The following FIGN variants were observed in gnomAD, a reference collection of about 807,000 sequenced individuals.
The protein encoded by FIGN is fidgetin.
A neutral mutation model predicts 51.3 loss-of-function variants in FIGN; 11 were observed. The ratio of observed to expected loss-of-function variants is 0.21; its 90% CI spans 0.13 to 0.35. The LOEUF (loss-of-function observed/expected upper bound fraction) is 0.35. Ranked by LOEUF, FIGN falls within the 10% of genes least tolerant of loss-of-function variation. The pLI, the probability that FIGN is intolerant of heterozygous loss-of-function variation, is 1.00. For missense variants in FIGN, 857 were observed against 943.6 expected (o/e 0.91, Z 1.20); for synonymous variants, 407 against 363.2 (o/e 1.12, Z -1.37).
chr2:163,681,613 C>T (rs553268666), intron 2 of FIGN, among the ~76,000 whole-genome samples: 30 of 152,206 alleles, frequency 2.0e-4, no homozygotes, highest in Non-Finnish European at 3.4e-4. Context: ...GATGACTGCA[C>T]GCCTGGCACG....
chr2:163,733,542 G>T (rs570649568), intron 2 of FIGN, among the ~76,000 whole-genome samples: 2 of 152,136 alleles, frequency 1.3e-5, no homozygotes, highest in Admixed American at 6.5e-5. Context: ...AATCCCATTC[G>T]CTCCAACAGC....
chr2:163,717,060 C>G (rs1166783804), intron 2 of FIGN, among the ~76,000 whole-genome samples: 3 of 152,054 alleles, frequency 2.0e-5, no homozygotes, highest in Admixed American at 2.0e-4. Flanking sequence ...TGTAGCTACC[C>G]TTGGAGTGAG....
chr2:163,615,895 C>A (rs1049349326), intron 2 of FIGN, among the ~76,000 whole-genome samples: 1 of 152,084 alleles, frequency 6.6e-6, no homozygotes, highest in African/African-American at 2.4e-5. Flanking sequence ...TCAGAAAAAT[C>A]TTAATACAGC....
chr2:163,621,394 C>G (rs927440564), intron 2 of FIGN, among the ~76,000 whole-genome samples: 1 of 152,140 alleles, frequency 6.6e-6, no homozygotes, highest in African/African-American at 2.4e-5. Flanking sequence ...AATTCAGTGT[C>G]CTTCACTCCT....
At chr2:163,686,373 T>G (rs1427008895) in intron 2 of FIGN, among the ~76,000 whole-genome samples, 2 of 152,278 alleles carry the variant, frequency 1.3e-5, no homozygotes, top group African/African-American at 4.8e-5. Context: ...ACACTTAATG[T>G]GGCGAAAAGC....
chr2:163,675,130 T>C (rs1023812561), intron 2 of FIGN, among the ~76,000 whole-genome samples: 1 of 152,232 alleles, frequency 6.6e-6, no homozygotes, highest in Non-Finnish European at 1.5e-5. Context: ...TTTCTTCTTA[T>C]TGATCCAAAA....
chr2:163,660,798 G>C (rs13028086), intron 2 of FIGN, among the ~76,000 whole-genome samples: 1,586 of 12,408 alleles, frequency 0.13, 226 homozygotes, highest in African/African-American at 0.13. Flanking sequence ...TATGTATATA[G>C]ATATACATAT....
chr2:163,703,438 G>A lies in FIGN; in HGVS notation c.25+31465C>T, dbSNP rs534676167. On this transcript the variant is annotated intron_variant, in intron 2 of 2. Coordinates refer to ENST00000333129, the MANE Select transcript of FIGN (RefSeq NM_018086.4). ...TGTAGGGGAGAGGAATTAAAACAGTGATTTCTTTCAATGATACATTTTTCA... is the reference window on the plus strand; with the variant it reads ...TGTAGGGGAGAGGAATTAAAACAGTAATTTCTTTCAATGATACATTTTTCA... 3.9e-5 allele frequency among the ~76,000 whole-genome samples: 6 copies of A among 152,226 alleles called. 1 individual carries two copies. Among genetic ancestry groups the A allele is most frequent in the Admixed American group, 3.3e-4 (5 of 15,254 alleles).
intron 2 of FIGN, among the ~76,000 whole-genome samples, chr2:163,718,843 G>GGA (rs1684711360): frequency 6.6e-6 from 1 of 150,970 alleles, no homozygotes; most frequent in African/African-American, 2.5e-5. Flanking sequence ...GAGAGAGTGA[G>GGA]AGAGAGAGAG....
chr2:163,680,660 C>G (rs1452686497), intron 2 of FIGN, among the ~76,000 whole-genome samples: 2 of 152,150 alleles, frequency 1.3e-5, no homozygotes, highest in African/African-American at 4.8e-5. Flanking sequence ...CAGCTACCTA[C>G]ATATTCTTCA....
chr2:163,649,925 C>CA (rs1683444792), intron 2 of FIGN, among the ~76,000 whole-genome samples: 1 of 152,142 alleles, frequency 6.6e-6, no homozygotes, highest in Non-Finnish European at 1.5e-5. Context: ...ATTACACTGA[C>CA]AGAGAGTCTG....
In FIGN at chr2:163,610,011, G is replaced by T. The variant is rs2231906; in HGVS notation, c.1821C>A (p.Thr607=). The stretch of plus-strand genomic sequence containing the variant: ...CAGTGTCCAGTTGCATCAGAAATTC[G>T]GTTCTCATCCGACTGACTGGACTAT... ...EEHSPVSRMR[T]EFLMQLDTVL... is the part of the protein sequence containing the mutation. Residue 607 remains threonine (T), a synonymous_variant, in exon 3 of 3, where the codon ACC becomes ACA. Transcript: ENST00000333129. 4.3e-6 allele frequency: 7 copies of T among 1,614,056 alleles called. No individual in the cohort carries two copies. The highest frequency in any genetic ancestry group is 5.9e-6 in the Non-Finnish European group (7 of 1,180,022).
intron 2 of FIGN, among the ~76,000 whole-genome samples, chr2:163,691,222 C>CA (rs1376366960): frequency 2.6e-5 from 4 of 152,136 alleles, no homozygotes; most frequent in Non-Finnish European, 5.9e-5. Flanking sequence ...ATGTACAAAA[C>CA]ACAGACTGCA....
At chr2:163,652,481 C>CA (rs35967241) in intron 2 of FIGN, among the ~76,000 whole-genome samples, 95,111 of 151,218 alleles carry the variant, frequency 0.63, 30,352 homozygotes, top group East Asian at 0.77. Flanking sequence ...TATATCCTAC[C>CA]AAAAAAAACT....
chr2:163,611,048 A>T lies in FIGN; in HGVS notation c.784T>A (p.Tyr262Asn), dbSNP rs1482463934. 6.2e-7 allele frequency: 1 copy of T among 1,613,914 alleles called. No homozygotes were observed. The highest frequency in any genetic ancestry group is 1.3e-5 in the African/African-American group (1 of 75,022). ...YPPQTAVGSG[Y>N]SPGGAPPPPS... ...GGAGGCGGTGCCCCCCCAGGGCTGT[A>T]CCCAGACCCCACAGCAGTCTGAGGA... Residue 262 changes from tyrosine (Y) to asparagine (N), a missense_variant, in exon 3 of 3, where the codon TAC becomes AAC. This residue lies in a region of FIGN where 799 missense variants were observed against 849.5 expected (regional missense o/e 0.94). Coordinates refer to ENST00000333129, the MANE Select transcript of FIGN (RefSeq NM_018086.4).
intron 2 of FIGN, among the ~76,000 whole-genome samples, chr2:163,683,438 C>T (rs955096904): frequency 2.0e-5 from 3 of 152,100 alleles, no homozygotes; most frequent in African/African-American, 7.2e-5. Flanking sequence ...AGATATTAAG[C>T]TATAAAGGCC....
intron 2 of FIGN, 112 bp from the exon 3 acceptor site, chr2:163,611,918 A>AAC: frequency 2.1e-6 from 1 of 482,558 alleles, no homozygotes; most frequent in Non-Finnish European, 3.2e-6. Flanking sequence ...TGATATGCAT[A>AAC]CTTTAAAAGA....
rs17808724 is a variant in FIGN at position 163,722,032 on chromosome 2, T to C, written c.25+12871A>G. 9.2e-3 allele frequency among the ~76,000 whole-genome samples: 1,404 copies of C among 152,294 alleles called. 13 individuals carry two copies. The highest frequency in any genetic ancestry group is 0.013 in the Non-Finnish European group (858 of 68,008). The stretch of plus-strand genomic sequence containing the variant: ...TACTGTAATGCTATTTATTGTAACA[T>C]TCACGGCAGATTTGAGAAAGTAGCT... On this transcript the variant is annotated intron_variant, in intron 2 of 2. Coordinates refer to ENST00000333129, the MANE Select transcript of FIGN (RefSeq NM_018086.4).
intron 2 of FIGN, among the ~76,000 whole-genome samples, chr2:163,684,084 G>A (rs1052379010): frequency 1.3e-5 from 2 of 152,020 alleles, no homozygotes; most frequent in Non-Finnish European, 2.9e-5. Flanking sequence ...AAGTTTATGT[G>A]TAAATGCTAT....
Sources: allele counts gnomAD v4.1 joint callset (sites outside exome capture counted in the v4.1 genomes callset), GRCh38; gene constraint gnomAD v4.1.1; regional missense constraint gnomAD v4.1.1; transcripts MANE v1.5; gene names NCBI Gene and HGNC (gene_info 2026-07-23, HGNC 2026-07-21).